The following PAX4 variants were observed in gnomAD, a reference collection of about 807,000 sequenced individuals.
PAX4 encodes the protein paired box 4, also known as paired box protein Pax-4.
PAX4 carries 33 observed loss-of-function variants against 40.6 expected under a neutral mutation model. The observed-to-expected ratio is 0.81, with a 90% CI of 0.62 to 1.09. PAX4 has a LOEUF of 1.09. Among genes scored for constraint, PAX4 ranks in the 50% least tolerant of loss-of-function variants. The pLI, the probability that PAX4 is intolerant of heterozygous loss-of-function variation, is 0.00. For synonymous variants in PAX4, 174 were observed against 170.6 expected (o/e 1.02, Z -0.16); for missense variants, 459 against 442.5 (o/e 1.04, Z -0.33).
chr7:127,617,271 T>C lies in PAX4; in HGVS notation c.-100+4A>G, dbSNP rs1794735765. ...GTTCAGTCGCTAAATTGGCTTTTAC[T>C]CACTTGTTTCTAGGTAGGTAGAGGC... On this transcript the variant is annotated splice_donor_region_variant and intron_variant, in intron 2 of 11. Transcript: ENST00000639438. The C allele has an allele frequency of 6.6e-6, 1 of 152,190 alleles. No homozygotes were observed. Among genetic ancestry groups the C allele is most frequent in the Non-Finnish European group, 1.5e-5 (1 of 68,046 alleles). The allele number at this position is 152,190 out of a possible 1,614,324, so 9.4% of individuals were successfully genotyped here.
At chr7:127,617,169 A>G (rs1042169754) in intron 2 of PAX4, 106 bp downstream of exon 2, 11 of 152,218 alleles carry the variant, frequency 7.2e-5, no homozygotes, top group Non-Finnish European at 1.3e-4. Flanking sequence ...CACATTACAG[A>G]GCAACTGGAG....
At position 127,615,397 on chromosome 7, in the gene PAX4, T is replaced by G. The variant is rs771413349; in HGVS notation, c.144+4A>C. ...ATCACTGGGTAAAGGTGCTGGCCCATTACCTTAAGGATCCGTGAGATGTCA... is the reference window on the plus strand; with the variant it reads ...ATCACTGGGTAAAGGTGCTGGCCCAGTACCTTAAGGATCCGTGAGATGTCA... On this transcript the variant is annotated splice_donor_region_variant and intron_variant, in intron 4 of 11. Transcript: ENST00000639438. 3.3e-5 allele frequency: 53 copies of G among 1,614,030 alleles called. No homozygotes were observed. The highest frequency in any genetic ancestry group is 4.2e-5 in the Non-Finnish European group (49 of 1,180,040).
intron 7 of PAX4, 59 bp downstream of exon 7, chr7:127,613,697 C>T: frequency 6.2e-7 from 1 of 1,611,124 alleles, no homozygotes; most frequent in Non-Finnish European, 8.5e-7. Flanking sequence ...GGCCTCAGGG[C>T]CACTGTCCCT....
rs772495023 is a variant in PAX4 at position 127,611,653 on chromosome 7, T to C, written c.795A>G (p.Thr265=). 6.2e-7 allele frequency: 1 copy of C among 1,612,802 alleles called. No homozygotes were observed. The highest frequency in any genetic ancestry group is 1.7e-5 in the Admixed American group (1 of 59,980). The stretch of plus-strand genomic sequence containing the variant: ...GTGGTTCCAGGGCAGGCAGGGCTGC[T>C]GTGGGCACACTGCCAGGGGACTGCT... ...SAQQSPGSVP[T]AALPALEPLG... is the part of the protein sequence containing the mutation. The change falls in exon 11 of 12, where the codon ACA becomes ACG. Residue 265 remains threonine (T), a synonymous_variant. Coordinates refer to ENST00000639438, the MANE Select transcript of PAX4 (RefSeq NM_001366110.1).
rs745500024 is a variant in PAX4, at chr7:127,611,973, CT to C, written c.742del (p.Arg248GlyfsTer44). ...TGCAGAGATGATTCCTGGGGCAACCCTTGGTACAGTCAGCCCCTGGGAAGCA... is the reference window on the plus strand; with the variant it reads ...TGCAGAGATGATTCCTGGGGCAACCCTGGTACAGTCAGCCCCTGGGAAGCA... Reference protein sequence around the residue: ...PGASQGLTVPRVAPGIISAQQ... With the variant: ...PGASQGLTVPXVAPGIISAQQ... On this transcript the variant is annotated frameshift_variant, in exon 10 of 12. Transcript: ENST00000639438. LOFTEE classifies it high-confidence loss of function. 47 of 1,613,966 alleles carry C rather than the reference CT, an allele frequency of 2.9e-5. No homozygotes were observed. The highest frequency in any genetic ancestry group is 3.9e-5 in the Non-Finnish European group (46 of 1,180,014).
At chr7:127,614,611 C>T in intron 5 of PAX4, 54 bp from the exon 6 acceptor site, 1 of 1,435,048 alleles carries the variant, frequency 7.0e-7, no homozygotes, top group Non-Finnish European at 9.6e-7. Context: ...CAGGGCTATA[C>T]CCTGAGGATG....
rs376039555 is a variant in PAX4, at chr7:127,612,934, A to AGGATGGAT, written c.715+80_715+87dup. The AGGATGGAT allele has an allele frequency of 0.015, 14,009 of 920,210 alleles. 153 individuals are homozygous for AGGATGGAT. The highest frequency in any genetic ancestry group is 0.017 in the Non-Finnish European group (9,523 of 566,136). The allele number at this position is 920,210 out of a possible 1,614,324, so 57.0% of individuals were successfully genotyped here. On this transcript the variant is annotated intron_variant, in intron 9 of 11. Transcript: ENST00000639438. ...GATGGATAAATGGATGGACGAATGG[A>AGGATGGAT]GGATGGATGGATGGATGGATGGATG...
chr7:127,615,742 C>T (rs527472040), intron 3 of PAX4, 174 bp downstream of exon 3: 95 of 1,495,090 alleles, frequency 6.4e-5, no homozygotes, highest in Middle Eastern at 3.5e-4. Flanking sequence ...TGCCCATACC[C>T]GCCAACTCTC....
rs756956116 is a variant in PAX4, at chr7:127,611,581, C to T, written c.867G>A (p.Arg289=). 3.1e-6 allele frequency: 5 copies of T among 1,613,782 alleles called. No individual in the cohort carries two copies. The highest frequency in any genetic ancestry group is 2.7e-5 in the African/African-American group (2 of 74,894). ...YQLCWATAPE[R]CLSDTPPKAC... The stretch of plus-strand genomic sequence containing the variant: ...CTTTAGGTGGGGTGTCACTCAGACA[C>T]CTTTCTGGTGCTGTTGCCCAGCACA... The change falls in exon 11 of 12, where the codon AGG becomes AGA. Residue 289 remains arginine (R), a synonymous_variant. Coordinates refer to ENST00000639438, the MANE Select transcript of PAX4 (RefSeq NM_001366110.1).
Position 127,610,876 on chromosome 7 carries a change from T to G in PAX4, c.*188A>C. The G allele has an allele frequency of 6.5e-7, 1 of 1,539,954 alleles. No individual in the cohort carries two copies. Among genetic ancestry groups the G allele is most frequent in the Non-Finnish European group, 8.7e-7 (1 of 1,146,932 alleles). On this transcript the variant is annotated 3_prime_UTR_variant, in exon 12 of 12. Transcript: ENST00000639438. ...GCTAGTGTGAGAAGTGGGTGGGTGT[T>G]GCTTTACCAGCCCCTCCAATCAGGT...
rs1347239885 is a variant in PAX4, at chr7:127,618,006, C to A, written c.-270G>T. 6.6e-6 allele frequency: 1 copy of A among 152,236 alleles called. No homozygotes were observed. Among genetic ancestry groups the A allele is most frequent in the African/African-American group, 2.4e-5 (1 of 41,422 alleles). 9.4% of individuals were successfully genotyped at this position (152,236 alleles called of 1,614,324 possible). Reference sequence around the variant, plus strand: ...TGGGAGCTTCAGTGGGAGGTCTCAGCTTCTGAGACCCCTGCAGGCTCCAGG... The same window carrying A: ...TGGGAGCTTCAGTGGGAGGTCTCAGATTCTGAGACCCCTGCAGGCTCCAGG... On this transcript the variant is annotated 5_prime_UTR_variant, in exon 1 of 12. Transcript: ENST00000639438.
chr7:127,610,572 C>CGA lies in PAX4; in HGVS notation c.*491_*492insTC. The CGA allele has an allele frequency of 3.6e-6, 1 of 275,638 alleles. No individual in the cohort carries two copies. Among genetic ancestry groups the CGA allele is most frequent in the Non-Finnish European group, 6.4e-6 (1 of 156,826 alleles). The allele number at this position is 275,638 out of a possible 1,614,324, so 17.1% of individuals were successfully genotyped here. A position where few individuals can be genotyped will look rare whatever the true frequency, so the allele number is the denominator to read the frequency against. ...GTGTGTGTGTGTGTGTGTGTGTGTGCGCGCACGCATGCACGCATACATAAT... is the reference window on the plus strand; with the variant it reads ...GTGTGTGTGTGTGTGTGTGTGTGTGCGAGCGCACGCATGCACGCATACATAAT... On this transcript the variant is annotated 3_prime_UTR_variant, in exon 12 of 12. Coordinates refer to ENST00000639438, the MANE Select transcript of PAX4 (RefSeq NM_001366110.1).
chr7:127,616,264 T>C (rs781492821), intron 2 of PAX4, among the ~76,000 whole-genome samples: 4 of 152,222 alleles, frequency 2.6e-5, no homozygotes, highest in Non-Finnish European at 5.9e-5. Flanking sequence ...GAGAGGGTTC[T>C]CCTTTCCTAC....
chr7:127,617,332 C>T lies in PAX4; in HGVS notation c.-157G>A, dbSNP rs371177199. 6 of 152,088 alleles carry T rather than the reference C, an allele frequency of 3.9e-5. No homozygotes were observed. The highest frequency in any genetic ancestry group is 1.9e-4 in the East Asian group (1 of 5,192). 9.4% of individuals were successfully genotyped at this position (152,088 alleles called of 1,614,324 possible). On this transcript the variant is annotated 5_prime_UTR_variant, in exon 2 of 12. Transcript: ENST00000639438. ...TCAAATTCTCATCTTTCCAAAAAGT[C>T]GGGAAAGAAGGCAGAGGTTTTCCAA... is the stretch of plus-strand genomic sequence containing the variant.
rs1219538349 is a variant in PAX4, at chr7:127,613,778, G to A, written c.540C>T (p.Ser180=). The A allele has an allele frequency of 4.3e-6, 7 of 1,613,898 alleles. No individual in the cohort carries two copies. The Admixed American group carries it at 1.2e-4, about 27-fold the overall frequency. ...CACCTTTCTCCAGTGCCTCTGCTTG[G>A]CTTGGGGAGAAGATAGTCCGATTCC... ...GHRNRTIFSP[S]QAEALEKEFQ... The change falls in exon 7 of 12, where the codon AGC becomes AGT. Residue 180 remains serine (S), a synonymous_variant. Transcript: ENST00000639438.
chr7:127,610,531 C>A lies in PAX4; in HGVS notation c.*533G>T. ...TGCTGGAAGATTTAGGAATAAAATG[C>A]CATGATATAATGTCAGTGTGTGTGT... is the stretch of plus-strand genomic sequence containing the variant. On this transcript the variant is annotated 3_prime_UTR_variant, in exon 12 of 12. Coordinates refer to ENST00000639438, the MANE Select transcript of PAX4 (RefSeq NM_001366110.1). 4.5e-6 allele frequency: 1 copy of A among 220,266 alleles called. No homozygotes were observed. Among genetic ancestry groups the A allele is most frequent in the Non-Finnish European group, 8.9e-6 (1 of 112,086 alleles). 13.6% of individuals were successfully genotyped at this position (220,266 alleles called of 1,614,324 possible).
At chr7:127,612,063 GTGAGAGGCAGGAA>G (rs1335334955) in intron 9 of PAX4, 63 bp from the exon 10 acceptor site, 9 of 1,504,160 alleles carry the variant, frequency 6.0e-6, no homozygotes, top group South Asian at 4.6e-5. Context: ...GAGGAGTGTG[GTGAGAGGCAGGAA>G]GGTTGGATAC....
intron 2 of PAX4, among the ~76,000 whole-genome samples, chr7:127,616,418 TG>T (rs1229364889): frequency 6.6e-6 from 1 of 152,198 alleles, no homozygotes; most frequent in African/African-American, 2.4e-5. Flanking sequence ...CCAGAGATTC[TG>T]GGGTCCTCAA....
At chr7:127,615,331 C>A in intron 4 of PAX4, 70 bp downstream of exon 4, 2 of 1,613,372 alleles carry the variant, frequency 1.2e-6, no homozygotes, top group Non-Finnish European at 1.7e-6. Context: ...GCCCCAGGCT[C>A]TTGCCTTCAG....
Sources: allele counts gnomAD v4.1 joint callset (sites outside exome capture counted in the v4.1 genomes callset), GRCh38; gene constraint gnomAD v4.1.1; transcripts MANE v1.5; gene names NCBI Gene and HGNC (gene_info 2026-07-23, HGNC 2026-07-21).